DPP8: variants seen among roughly 807,000 people sequenced by gnomAD.
The protein encoded by DPP8 is DPP VIII.
In DPP8, 31 loss-of-function variants were observed where a neutral mutation model predicts 107.5. The ratio of observed to expected loss-of-function variants is 0.29; its 90% CI spans 0.22 to 0.39. The LOEUF is 0.39. DPP8 is among the 10% of genes least tolerant of loss of function. The pLI is 1.00. For synonymous variants in DPP8, 381 were observed against 356.6 expected, an observed-to-expected ratio of 1.07 and a Z score of -0.77; for missense variants, 842 against 1,076.1, an observed-to-expected ratio of 0.78 and a Z score of 3.04.
intron 1 of DPP8, chr15:65,515,657 T>C: frequency 6.2e-6 from 10 of 1,613,968 alleles, no homozygotes; most frequent in African/African-American, 1.3e-5. Flanking sequence ...GGTGCCTACC[T>C]GATTTTATTT....
At chr15:65,512,603 T>C (rs1413744621) in intron 1 of DPP8, 39 bp from the exon 2 acceptor site, 18 of 1,602,142 alleles carry the variant, frequency 1.1e-5, no homozygotes, top group African/African-American at 2.7e-5. Flanking sequence ...CACGGGTCTA[T>C]CTTCTATTAT....
intron 14 of DPP8, among the ~76,000 whole-genome samples, chr15:65,465,132 CTT>C (rs935801265): frequency 2.7e-5 from 4 of 149,208 alleles, no homozygotes; most frequent in Admixed American, 6.7e-5. Context: ...TTAAAACACA[CTT>C]ATATTTTTTG....
At chr15:65,485,671 G>A (rs1415216187) in intron 7 of DPP8, among the ~76,000 whole-genome samples, 12 of 151,902 alleles carry the variant, frequency 7.9e-5, no homozygotes, top group South Asian at 4.2e-4. Context: ...CAAGAGTAAC[G>A]TATATGCCAG....
At chr15:65,489,939 G>A (rs896219569) in intron 6 of DPP8, among the ~76,000 whole-genome samples, 1 of 151,242 alleles carries the variant, frequency 6.6e-6, no homozygotes, top group African/African-American at 2.4e-5. Context: ...GGCTGGTCTC[G>A]AACTCCTGAC....
At chr15:65,488,197 A>G (rs1037063263) in intron 6 of DPP8, among the ~76,000 whole-genome samples, 2 of 152,178 alleles carry the variant, frequency 1.3e-5, no homozygotes, top group Non-Finnish European at 2.9e-5. Context: ...TGTTTTGAAT[A>G]GTTTCTGTAT....
intron 15 of DPP8, among the ~76,000 whole-genome samples, chr15:65,457,555 G>C (rs1224920115): frequency 2.6e-5 from 4 of 151,772 alleles, no homozygotes; most frequent in Non-Finnish European, 5.9e-5. Flanking sequence ...TGTAGAGATG[G>C]GGTCTCACCA....
At chr15:65,467,265 C>G (rs755132636) in intron 12 of DPP8, 42 bp from the exon 13 acceptor site, 1 of 1,604,568 alleles carries the variant, frequency 6.2e-7, no homozygotes, top group Non-Finnish European at 8.5e-7. Flanking sequence ...GCTAACATGA[C>G]CTTGGCAAAG....
At chr15:65,489,494 A>G (rs1324013328) in intron 6 of DPP8, among the ~76,000 whole-genome samples, 1 of 134,688 alleles carries the variant, frequency 7.4e-6, no homozygotes, top group Non-Finnish European at 1.5e-5. Flanking sequence ...GCTCATTGCA[A>G]GCTCCACCTC....
chr15:65,455,854 A>C (rs1296033410), intron 16 of DPP8: 1 of 1,295,504 alleles, frequency 7.7e-7, no homozygotes. Context: ...GTAGAGAGAA[A>C]GAGGCTTGTC....
intron 12 of DPP8, among the ~76,000 whole-genome samples, chr15:65,467,549 A>C (rs2065471721): frequency 6.6e-6 from 1 of 152,036 alleles, no homozygotes; most frequent in Non-Finnish European, 1.5e-5. Context: ...CTAAGTTTCT[A>C]AATGTTTTTA....
At chr15:65,463,645 A>G in intron 15 of DPP8, 116 bp downstream of exon 15, 1 of 875,666 alleles carries the variant, frequency 1.1e-6, no homozygotes. Context: ...CGGAGTCATT[A>G]AAAGCAAATG....
chr15:65,507,258 A>C lies in DPP8; in HGVS notation c.357T>G (p.Leu119=). ...TTAATCCTACCTGAAAAAGATCCAA[A>C]AGAGGCTTCCAAGAGAGCATTAAGA... is the stretch of plus-strand genomic sequence containing the variant. ...AAVLMLSWKP[L]LDLFQATLDY... The change falls in exon 3 of 20, where the codon CTT becomes CTG. Residue 119 remains leucine, a synonymous_variant. Transcript: ENST00000300141. 6.2e-7 allele frequency: 1 copy of C among 1,600,512 alleles called. No homozygotes were observed. Among genetic ancestry groups the C allele is most frequent in the Non-Finnish European group, 8.5e-7 (1 of 1,171,528 alleles).
intron 1 of DPP8, chr15:65,515,865 C>A: frequency 1.7e-6 from 1 of 601,116 alleles, no homozygotes; most frequent in Admixed American, 3.3e-5. Flanking sequence ...AAAAGAGAAG[C>A]CCCAAAATAG....
chr15:65,491,873 C>A (rs1299492714), intron 5 of DPP8, among the ~76,000 whole-genome samples: 2 of 152,138 alleles, frequency 1.3e-5, no homozygotes, highest in Admixed American at 1.3e-4. Flanking sequence ...GCTGGGACTA[C>A]AGGTGCCCGC....
At chr15:65,469,205 C>A (rs2065633783) in intron 12 of DPP8, among the ~76,000 whole-genome samples, 1 of 151,668 alleles carries the variant, frequency 6.6e-6, no homozygotes, top group Non-Finnish European at 1.5e-5. Context: ...GAACTCCTGA[C>A]CTCAGATGAT....
At position 65,446,080 on chromosome 15, in the gene DPP8, A is replaced by G. The variant is rs1443616938; in HGVS notation, c.*804T>C. On this transcript the variant is annotated 3_prime_UTR_variant, in exon 20 of 20. Coordinates refer to ENST00000300141, the MANE Select transcript of DPP8 (RefSeq NM_130434.5). The stretch of plus-strand genomic sequence containing the variant: ...GTACTTTTTCCTTTTCTTAAAGGAA[A>G]AAAAAAAACTTGCCTGCAAATATTT... 6.6e-6 allele frequency: 1 copy of G among 152,062 alleles called. No individual in the cohort carries two copies. The highest frequency in any genetic ancestry group is 2.4e-5 in the African/African-American group (1 of 41,430). The allele number at this position is 152,062 out of a possible 1,614,324, so 9.4% of individuals were successfully genotyped here. A position where few individuals can be genotyped will look rare whatever the true frequency, so the allele number is the denominator to read the frequency against.
At chr15:65,487,637 T>A (rs1420102389) in intron 7 of DPP8, 53 bp downstream of exon 7, 2 of 1,554,880 alleles carry the variant, frequency 1.3e-6, no homozygotes, top group Non-Finnish European at 1.7e-6. Flanking sequence ...ACAGAAAGAA[T>A]CTTATTTGGA....
rs1189926360 is a variant in DPP8 at position 65,515,688 on chromosome 15, C to T, written c.-12+1798G>A. The T allele has an allele frequency of 3.1e-6, 5 of 1,613,726 alleles. No homozygotes were observed. In the Admixed American group the frequency reaches 8.3e-5, roughly 27 times the overall value. On this transcript the variant is annotated intron_variant, in intron 1 of 19. Coordinates refer to ENST00000300141, the MANE Select transcript of DPP8 (RefSeq NM_130434.5). ...TATTTTCATCTGCTCAGATCTCTTC[C>T]ACATTCAAAGAGATCTTTTTCAAGT...
chr15:65,457,914 C>G (rs931427204), intron 15 of DPP8, among the ~76,000 whole-genome samples: 1 of 152,150 alleles, frequency 6.6e-6, no homozygotes, highest in Non-Finnish European at 1.5e-5. Flanking sequence ...CCACCTCAGC[C>G]TCTGAATAGC....
Sources: allele counts gnomAD v4.1 joint callset (sites outside exome capture counted in the v4.1 genomes callset), GRCh38; gene constraint gnomAD v4.1.1; transcripts MANE v1.5; gene names NCBI Gene and HGNC (gene_info 2026-07-23, HGNC 2026-07-21).